The following NCAM1 variants were observed in gnomAD, a reference collection of about 807,000 sequenced individuals.
The protein encoded by NCAM1 is antigen recognized by monoclonal antibody 5.1H11.
In NCAM1, 14 loss-of-function variants were observed where a neutral mutation model predicts 109.8. That is an observed-to-expected ratio of 0.13 (90% CI 0.08 to 0.20). NCAM1 has a LOEUF of 0.20. NCAM1 is among the 10% of genes least tolerant of loss of function. The pLI, the probability that NCAM1 is intolerant of heterozygous loss-of-function variation, is 1.00. For synonymous variants in NCAM1, 418 were observed against 442.9 expected (o/e 0.94, Z 0.70); for missense variants, 774 against 1,109.9 (o/e 0.70, Z 4.30).
At chr11:113,074,759 A>C (rs1246189128) in intron 1 of NCAM1, among the ~76,000 whole-genome samples, 2 of 151,792 alleles carry the variant, frequency 1.3e-5, no homozygotes, top group Non-Finnish European at 2.9e-5. Context: ...AGCCCCCCAA[A>C]TAGCTGGGAT....
chr11:113,217,709 C>G (rs1202245235), intron 8 of NCAM1, among the ~76,000 whole-genome samples: 1 of 152,120 alleles, frequency 6.6e-6, no homozygotes, highest in Non-Finnish European at 1.5e-5. Flanking sequence ...CTATCCTGTT[C>G]TTATGCAATT....
chr11:113,249,954 G>A (rs549006313), intron 15 of NCAM1, among the ~76,000 whole-genome samples: 1 of 152,234 alleles, frequency 6.6e-6, no homozygotes, highest in South Asian at 2.1e-4. Flanking sequence ...GTGGCTGCGG[G>A]GAGCTCAGCA....
At chr11:113,104,209 G>A (rs1388332814) in intron 1 of NCAM1, among the ~76,000 whole-genome samples, 4 of 118,398 alleles carry the variant, frequency 3.4e-5, no homozygotes, top group Admixed American at 1.8e-4. Context: ...AGGTGGGGTG[G>A]GGGGGGGGGC....
At chr11:113,251,629 G>A (rs1403102220) in intron 15 of NCAM1, among the ~76,000 whole-genome samples, 5 of 152,046 alleles carry the variant, frequency 3.3e-5, no homozygotes, top group African/African-American at 4.8e-5. Context: ...CATTTTGGGG[G>A]GAACATTTGA....
intron 1 of NCAM1, among the ~76,000 whole-genome samples, chr11:113,077,019 A>G (rs1555086258): frequency 6.6e-6 from 1 of 152,224 alleles, no homozygotes; most frequent in Admixed American, 6.5e-5. Context: ...TCAACATGGG[A>G]TCTTGACTCA....
chr11:113,159,981 T>A (rs1555104076), intron 1 of NCAM1, among the ~76,000 whole-genome samples: 2 of 151,764 alleles, frequency 1.3e-5, no homozygotes, highest in African/African-American at 4.8e-5. Context: ...CATTACTATA[T>A]GTATTCATTA....
intron 1 of NCAM1, 138 bp from the exon 2 acceptor site, chr11:113,202,241 T>G (rs1331010355): frequency 1.1e-6 from 1 of 875,932 alleles, no homozygotes; most frequent in East Asian, 2.6e-5. Flanking sequence ...CTTCACTCTT[T>G]CTTAAAGTCA....
chr11:113,109,998 G>A (rs1940374682), intron 1 of NCAM1, among the ~76,000 whole-genome samples: 1 of 152,090 alleles, frequency 6.6e-6, no homozygotes, highest in Admixed American at 6.6e-5. Context: ...ACATGAATGT[G>A]TGTATATATG....
At chr11:113,259,228 T>G (rs1347171633) in intron 16 of NCAM1, among the ~76,000 whole-genome samples, 1 of 151,710 alleles carries the variant, frequency 6.6e-6, no homozygotes, top group Non-Finnish European at 1.5e-5. Context: ...ATTTTTTGTA[T>G]TTTTAGTAGA....
chr11:113,216,031 C>G (rs186568414), intron 8 of NCAM1, among the ~76,000 whole-genome samples: 5 of 151,724 alleles, frequency 3.3e-5, no homozygotes, highest in African/African-American at 7.3e-5. Context: ...CTTTTGAATT[C>G]TATATCTTTT....
intron 2 of NCAM1, 121 bp downstream of exon 2, chr11:113,202,574 T>C: frequency 1.2e-6 from 1 of 842,858 alleles, no homozygotes. Context: ...TTGGCATTGC[T>C]CTATTACAGG....
chr11:113,103,503 CTG>C (rs1555091886), intron 1 of NCAM1, among the ~76,000 whole-genome samples: 1 of 152,180 alleles, frequency 6.6e-6, no homozygotes, highest in African/African-American at 2.4e-5. Context: ...CCAGTCAACT[CTG>C]TATGTGTGAT....
At chr11:113,167,506 T>C (rs2136420090) in intron 1 of NCAM1, among the ~76,000 whole-genome samples, 1 of 150,752 alleles carries the variant, frequency 6.6e-6, no homozygotes. Flanking sequence ...TGGCCGCTGT[T>C]TCTGAATGGC....
chr11:113,264,902 C>T, intron 17 of NCAM1: 5 of 985,682 alleles, frequency 5.1e-6, no homozygotes, highest in Non-Finnish European at 4.8e-6. Flanking sequence ...TTCCTGGTGA[C>T]AGCTGCAGCC....
intron 17 of NCAM1, chr11:113,269,835 T>G: frequency 3.0e-6 from 1 of 329,706 alleles, no homozygotes. Flanking sequence ...GCAAAGCCTT[T>G]TGCCCTGGTC....
chr11:113,248,076 A>T (rs1422198913), intron 15 of NCAM1, among the ~76,000 whole-genome samples: 1 of 152,160 alleles, frequency 6.6e-6, no homozygotes, highest in East Asian at 1.9e-4. Flanking sequence ...GCACAATGTT[A>T]ATAAGGTAGA....
intron 14 of NCAM1, chr11:113,243,662 G>C: frequency 2.0e-6 from 1 of 511,232 alleles, no homozygotes; most frequent in Non-Finnish European, 3.9e-6. Context: ...ATCCATATGA[G>C]TATGCGTGCA....
At chr11:113,045,167 G>A (rs77186359) in intron 1 of NCAM1, among the ~76,000 whole-genome samples, 3,814 of 152,274 alleles carry the variant, frequency 0.025, 55 homozygotes, top group Non-Finnish European at 0.041. Flanking sequence ...GTTTACAAGC[G>A]AGGAAGATGA....
At chr11:113,251,403 G>A (rs371382960) in intron 15 of NCAM1, among the ~76,000 whole-genome samples, 1 of 152,136 alleles carries the variant, frequency 6.6e-6, no homozygotes, top group South Asian at 2.1e-4. Flanking sequence ...AATCGGCATG[G>A]CCAGAAATAT....
Sources: allele counts gnomAD v4.1 joint callset (sites outside exome capture counted in the v4.1 genomes callset), GRCh38; gene constraint gnomAD v4.1.1; transcripts MANE v1.5; gene names NCBI Gene and HGNC (gene_info 2026-07-23, HGNC 2026-07-21).